The following CBFA2T2 variants were observed in gnomAD, a reference collection of about 807,000 sequenced individuals.
The protein encoded by CBFA2T2 is protein CBFA2T2.
Under a neutral mutation model 62.2 loss-of-function variants are expected in CBFA2T2, and 11 were observed. The observed-to-expected ratio is 0.18, with a 90% confidence interval of 0.11 to 0.29. CBFA2T2 has a LOEUF of 0.29. CBFA2T2 is among the 10% of genes least tolerant of loss of function. The pLI, the probability that CBFA2T2 is intolerant of heterozygous loss-of-function variation, is 1.00. For missense variants in CBFA2T2, 592 were observed against 774.1 expected (o/e 0.76, Z 2.79); for synonymous variants, 295 against 287.5 (o/e 1.03, Z -0.27).
intron 1 of CBFA2T2, among the ~76,000 whole-genome samples, chr20:33,529,746 TATATATATATATATATATA>T (rs2011994347): frequency 1.2e-4 from 15 of 129,356 alleles, no homozygotes; most frequent in Middle Eastern, 3.8e-3. Flanking sequence ...AAAGCAGTTA[TATATATATATATATATATA>T]TATATATATA....
At chr20:33,605,403 A>G (rs528991030) in intron 1 of CBFA2T2, among the ~76,000 whole-genome samples, 61 of 152,364 alleles carry the variant, frequency 4.0e-4, no homozygotes, top group Middle Eastern at 3.4e-3. Context: ...TGTGAGGAAC[A>G]TAGCTCAATT....
chr20:33,490,180 A>T lies in CBFA2T2; in HGVS notation c.-88A>T. 8.5e-7 allele frequency: 1 copy of T among 1,181,200 alleles called. No individual in the cohort carries two copies. Among genetic ancestry groups the T allele is most frequent in the Non-Finnish European group, 1.0e-6 (1 of 954,300 alleles). 73.2% of individuals were successfully genotyped at this position (1,181,200 alleles called of 1,614,324 possible). The stretch of plus-strand genomic sequence containing the variant: ...GATCTCGCGGCGACGCCTGCGAGGG[A>T]CCCGGGCCGCGGGTCGAGGCGGGCG... On this transcript the variant is annotated 5_prime_UTR_variant, in exon 1 of 11. Coordinates refer to ENST00000342704, the MANE Select transcript of CBFA2T2 (RefSeq NM_001032999.3).
chr20:33,490,453 G>C (rs556104250), intron 1 of CBFA2T2, among the ~76,000 whole-genome samples, 152 bp downstream of exon 1: 1 of 152,228 alleles, frequency 6.6e-6, no homozygotes, highest in East Asian at 1.9e-4. Flanking sequence ...GCAGCGGGGC[G>C]GGCCTTCCCG....
intron 1 of CBFA2T2, among the ~76,000 whole-genome samples, chr20:33,535,621 T>A (rs1393887951): frequency 2.1e-5 from 3 of 140,256 alleles, no homozygotes; most frequent in African/African-American, 8.3e-5. Flanking sequence ...TTTTTATTTT[T>A]TCTTTTTTTT....
chr20:33,557,004 CTTTTTTTTTT>C (rs751836572), intron 1 of CBFA2T2, among the ~76,000 whole-genome samples: 226 of 46,204 alleles, frequency 4.9e-3, no homozygotes, highest in African/African-American at 0.02. Flanking sequence ...GCATGCTTAT[CTTTTTTTTTT>C]TTTTTTTTTT....
intron 1 of CBFA2T2, among the ~76,000 whole-genome samples, chr20:33,516,329 G>C (rs747355355): frequency 6.6e-6 from 1 of 151,162 alleles, no homozygotes; most frequent in Non-Finnish European, 1.5e-5. Context: ...AATTAGCTGG[G>C]TGTGGTGGTG....
intron 1 of CBFA2T2, among the ~76,000 whole-genome samples, chr20:33,526,746 GATTT>G (rs2011899391): frequency 6.6e-6 from 1 of 152,028 alleles, no homozygotes; most frequent in Non-Finnish European, 1.5e-5. Flanking sequence ...AAAAAATGTA[GATTT>G]ATTACAATAA....
chr20:33,552,130 G>A (rs933598165), intron 1 of CBFA2T2, among the ~76,000 whole-genome samples: 4 of 150,348 alleles, frequency 2.7e-5, no homozygotes, highest in African/African-American at 9.8e-5. Context: ...AATGCTCAGT[G>A]TGTGAAGCAA....
chr20:33,529,743 T>TTTTATATATATATATATA (rs1163402861), intron 1 of CBFA2T2, among the ~76,000 whole-genome samples: 9 of 4,044 alleles, frequency 2.2e-3, no homozygotes, highest in African/African-American at 2.5e-3. Flanking sequence ...AAGAAAGCAG[T>TTTTATATATATATATATA]TATATATATA....
chr20:33,640,237 TA>T, intron 9 of CBFA2T2, 103 bp from the exon 10 acceptor site: 2 of 1,054,700 alleles, frequency 1.9e-6, no homozygotes, highest in Non-Finnish European at 2.8e-6. Flanking sequence ...TGTGGAGTTT[TA>T]GAAAAGATCA....
At chr20:33,520,910 G>GCACA (rs138966628) in intron 1 of CBFA2T2, among the ~76,000 whole-genome samples, 1 of 148,864 alleles carries the variant, frequency 6.7e-6, no homozygotes, top group Admixed American at 6.9e-5. Context: ...ACACGCACGC[G>GCACA]CACACACACA....
At chr20:33,621,780 G>A (rs1282374426) in intron 4 of CBFA2T2, among the ~76,000 whole-genome samples, 2 of 152,192 alleles carry the variant, frequency 1.3e-5, no homozygotes, top group Non-Finnish European at 2.9e-5. Context: ...GAGCACAGCA[G>A]ATACACAGGA....
At chr20:33,558,583 T>C (rs752370913) in intron 1 of CBFA2T2, among the ~76,000 whole-genome samples, 5 of 152,302 alleles carry the variant, frequency 3.3e-5, no homozygotes, top group Non-Finnish European at 5.9e-5. Context: ...TGTTCCTGTG[T>C]CCCCTCAATG....
chr20:33,572,306 G>GT (rs1416224743), intron 1 of CBFA2T2, among the ~76,000 whole-genome samples: 1 of 152,178 alleles, frequency 6.6e-6, no homozygotes, highest in African/African-American at 2.4e-5. Context: ...GGAGTGTAAT[G>GT]TTTCCAGCTT....
intron 1 of CBFA2T2, among the ~76,000 whole-genome samples, chr20:33,584,004 G>C (rs975851956): frequency 2.6e-5 from 4 of 152,090 alleles, no homozygotes; most frequent in African/African-American, 9.7e-5. Flanking sequence ...CTGGAGTGCG[G>C]TGGTATGATC....
Position 33,579,104 on chromosome 20 carries a change from G to GT in CBFA2T2, c.35-27852_35-27851insT, listed in dbSNP as rs1568830356. Among the ~76,000 whole-genome samples the GT allele has an allele frequency of 1.1e-4, 16 of 148,008 alleles. 1 individual carries two copies. Among genetic ancestry groups the GT allele is most frequent in the Admixed American group, 9.1e-4 (13 of 14,270 alleles). On this transcript the variant is annotated intron_variant, in intron 1 of 10. Coordinates refer to ENST00000342704, the MANE Select transcript of CBFA2T2 (RefSeq NM_001032999.3). ...TGAGTGCCTTTTTGGTTTTTTTGGG[G>GT]GTTTTTTTTTGTTTTTTTTTTTTTT...
At chr20:33,595,883 T>A (rs1388435146) in intron 1 of CBFA2T2, among the ~76,000 whole-genome samples, 1 of 152,146 alleles carries the variant, frequency 6.6e-6, no homozygotes. Flanking sequence ...TTTTAACACC[T>A]CCCTTCCTCT....
intron 1 of CBFA2T2, among the ~76,000 whole-genome samples, chr20:33,572,603 A>G (rs543614292): frequency 6.6e-6 from 1 of 152,362 alleles, no homozygotes; most frequent in African/African-American, 2.4e-5. Flanking sequence ...AGTGATAAGA[A>G]TATTCCAGTG....
chr20:33,570,831 G>T (rs1472443979), intron 1 of CBFA2T2, among the ~76,000 whole-genome samples: 2 of 152,024 alleles, frequency 1.3e-5, no homozygotes, highest in Admixed American at 1.3e-4. Context: ...CTCATTCCTA[G>T]GGCTAATGCC....
Sources: allele counts gnomAD v4.1 joint callset (sites outside exome capture counted in the v4.1 genomes callset), GRCh38; gene constraint gnomAD v4.1.1; transcripts MANE v1.5; gene names NCBI Gene and HGNC (gene_info 2026-07-23, HGNC 2026-07-21).